CNTNAP2: variants seen among roughly 807,000 people sequenced by gnomAD.
CNTNAP2 encodes contactin associated protein 2.
CNTNAP2 carries 98 observed loss-of-function variants against 155.2 expected under a neutral mutation model. The observed-to-expected ratio is 0.63, with a 90% CI of 0.54 to 0.75. The LOEUF is 0.75. Ranked by LOEUF, CNTNAP2 falls within the 30% of genes least tolerant of loss-of-function variation. The probability of loss-of-function intolerance (pLI) is 0.00; values close to 1 mark genes in which losing one functional copy is unlikely to be tolerated. For missense variants in CNTNAP2, 1,727 were observed against 1,688.1 expected, an observed-to-expected ratio of 1.02 and a Z score of -0.40; for synonymous variants, 651 against 631.2, an observed-to-expected ratio of 1.03 and a Z score of -0.47.
intron 3 of CNTNAP2, among the ~76,000 whole-genome samples, chr7:146,895,349 T>C (rs1026129461): frequency 5.3e-5 from 8 of 149,730 alleles, no homozygotes; most frequent in Admixed American, 5.3e-4. Context: ...TTCTCTCTCT[T>C]TCTCTCTTTC....
At chr7:146,505,421 C>T (rs947986663) in intron 1 of CNTNAP2, among the ~76,000 whole-genome samples, 3 of 152,220 alleles carry the variant, frequency 2.0e-5, no homozygotes, top group Non-Finnish European at 1.5e-5. Flanking sequence ...CTGCAAAGGA[C>T]TTCTGCCCTG....
rs80113872 is a variant in CNTNAP2 at position 146,147,204 on chromosome 7, C to T, written c.97+30231C>T. ...AAAATACTGTTGTTAAGCACTGGAT[C>T]GGCAATGTGGCATTGTCTCTAGGGA... On this transcript the variant is annotated intron_variant, in intron 1 of 23. Coordinates refer to ENST00000361727, the MANE Select transcript of CNTNAP2 (RefSeq NM_014141.6). Among the ~76,000 whole-genome samples, 550 of 152,178 alleles carry T rather than the reference C, an allele frequency of 3.6e-3. 1 individual carries two copies. Among genetic ancestry groups the T allele is most frequent in the Admixed American group, 4.8e-3 (73 of 15,270 alleles).
chr7:147,368,153 A>C (rs1796276585), intron 9 of CNTNAP2, among the ~76,000 whole-genome samples: 1 of 149,330 alleles, frequency 6.7e-6, no homozygotes, highest in Non-Finnish European at 1.5e-5. Context: ...ATCAGTGAGA[A>C]GTATCATGCC....
At position 148,217,431 on chromosome 7, in the gene CNTNAP2, C is replaced by T. The variant is rs139930720; in HGVS notation, c.3154C>T (p.Arg1052Cys). The T allele has an allele frequency of 3.6e-5, 58 of 1,614,154 alleles. No individual in the cohort carries two copies. Among genetic ancestry groups the T allele is most frequent in the African/African-American group, 2.8e-4 (21 of 75,056 alleles). Reference protein sequence around the residue: ...SHPDLAQEEIRFSFSTTKAPC... With the variant: ...SHPDLAQEEICFSFSTTKAPC... The stretch of plus-strand genomic sequence containing the variant: ...CCCGGACCTGGCACAGGAGGAGATC[C>T]GCTTCAGCTTCAGCACCACCAAGGC... Residue 1052 changes from arginine to cysteine, a missense_variant, in exon 19 of 24, where the codon CGC (arginine) becomes TGC (cysteine). Coordinates refer to ENST00000361727, the MANE Select transcript of CNTNAP2 (RefSeq NM_014141.6).
intron 2 of CNTNAP2, among the ~76,000 whole-genome samples, chr7:146,804,467 A>T (rs551925527): frequency 6.6e-6 from 1 of 152,280 alleles, no homozygotes; most frequent in African/African-American, 2.4e-5. Context: ...GATTTTCATC[A>T]CCTAGGAAGG....
chr7:146,494,258 C>A (rs1010397678), intron 1 of CNTNAP2, among the ~76,000 whole-genome samples: 1 of 151,776 alleles, frequency 6.6e-6, no homozygotes, highest in Non-Finnish European at 1.5e-5. Flanking sequence ...GGCATGAATC[C>A]GGGAGGCGGA....
intron 1 of CNTNAP2, among the ~76,000 whole-genome samples, chr7:146,653,435 G>A (rs532819281): frequency 1.3e-5 from 2 of 152,256 alleles, no homozygotes; most frequent in East Asian, 1.9e-4. Flanking sequence ...CGGCTAGACT[G>A]TGTATAAATT....
rs567128765 is a variant in CNTNAP2, at chr7:147,566,622, C to A, written c.1897+4365C>A. ...AGCATGTGAAGGCAGAATTGTCAAA[C>A]ACTTATAAAACCATTAGATCTCATG... On this transcript the variant is annotated intron_variant, in intron 12 of 23. Coordinates refer to ENST00000361727, the MANE Select transcript of CNTNAP2 (RefSeq NM_014141.6). Among the ~76,000 whole-genome samples the A allele has an allele frequency of 7.0e-4, 107 of 152,192 alleles. 1 individual carries two copies. The highest frequency in any genetic ancestry group is 2.5e-3 in the African/African-American group (103 of 41,524).
chr7:147,014,661 A>G lies in CNTNAP2; in HGVS notation c.403-29246A>G, dbSNP rs184191136. Among the ~76,000 whole-genome samples, 500 of 152,288 alleles carry G rather than the reference A, an allele frequency of 3.3e-3. 1 individual carries two copies. Among genetic ancestry groups the G allele is most frequent in the African/African-American group, 0.011 (472 of 41,574 alleles). ...CCTCCCACCCAACAAAACTGCCAAC[A>G]TGCCAAACCAAGTGGATTGATTTAA... On this transcript the variant is annotated intron_variant, in intron 3 of 23. Transcript: ENST00000361727.
chr7:146,933,396 T>C (rs1357859499), intron 3 of CNTNAP2, among the ~76,000 whole-genome samples: 1 of 150,886 alleles, frequency 6.6e-6, no homozygotes, highest in African/African-American at 2.4e-5. Context: ...CGTAGAAAGC[T>C]GAAACTGGAA....
intron 3 of CNTNAP2, among the ~76,000 whole-genome samples, chr7:147,024,077 A>G (rs1163135102): frequency 1.3e-5 from 2 of 152,158 alleles, no homozygotes; most frequent in Non-Finnish European, 2.9e-5. Context: ...TATTATTAAC[A>G]TGTAGTATCC....
At chr7:146,895,349 TTC>T (rs954657500) in intron 3 of CNTNAP2, among the ~76,000 whole-genome samples, 12 of 149,618 alleles carry the variant, frequency 8.0e-5, no homozygotes, top group African/African-American at 2.7e-4. Flanking sequence ...TTCTCTCTCT[TTC>T]TCTCTTTCTT....
intron 20 of CNTNAP2, among the ~76,000 whole-genome samples, chr7:148,242,524 G>T (rs1796177081): frequency 6.6e-6 from 1 of 152,222 alleles, no homozygotes; most frequent in South Asian, 2.1e-4. Flanking sequence ...TGGCTTGGGT[G>T]TGGTTTTCTA....
At chr7:146,889,882 G>A (rs1052326899) in intron 3 of CNTNAP2, among the ~76,000 whole-genome samples, 8 of 151,856 alleles carry the variant, frequency 5.3e-5, no homozygotes, top group Non-Finnish European at 1.2e-4. Context: ...TTCTCACTCC[G>A]ATTCTAATTT....
At chr7:146,550,630 G>A (rs1325116573) in intron 1 of CNTNAP2, among the ~76,000 whole-genome samples, 1 of 151,750 alleles carries the variant, frequency 6.6e-6, no homozygotes, top group African/African-American at 2.4e-5. Flanking sequence ...TATAGCTTGT[G>A]CAATTACAAT....
At chr7:147,319,423 G>A (rs1236783605) in intron 9 of CNTNAP2, among the ~76,000 whole-genome samples, 2 of 152,188 alleles carry the variant, frequency 1.3e-5, no homozygotes, top group South Asian at 4.1e-4. Flanking sequence ...TGTTGCCCAG[G>A]CTGGAGTGCA....
intron 1 of CNTNAP2, among the ~76,000 whole-genome samples, chr7:146,598,447 C>A (rs1012299523): frequency 2.0e-5 from 3 of 152,060 alleles, no homozygotes; most frequent in Non-Finnish European, 4.4e-5. Flanking sequence ...TTTCCTGCTG[C>A]AATTATGTTT....
At chr7:147,488,170 C>T (rs1041947881) in intron 11 of CNTNAP2, among the ~76,000 whole-genome samples, 1 of 152,192 alleles carries the variant, frequency 6.6e-6, no homozygotes, top group Non-Finnish European at 1.5e-5. Context: ...TTTCACACAG[C>T]ACAAATGTAA....
At chr7:146,874,865 C>T (rs953099631) in intron 3 of CNTNAP2, among the ~76,000 whole-genome samples, 9 of 152,094 alleles carry the variant, frequency 5.9e-5, no homozygotes, top group East Asian at 1.9e-4. Flanking sequence ...TCCCAATTAG[C>T]GCTTTTGTTT....
Sources: gnomAD v4.1 joint callset for allele counts (sites outside exome capture counted in the v4.1 genomes callset) on GRCh38, gnomAD v4.1.1 for gene constraint, MANE v1.5 for transcripts, NCBI Gene and HGNC (gene_info 2026-07-23, HGNC 2026-07-21) for gene names.